Variants in KIAA1671 observed in about 807,000 individuals in gnomAD.
KIAA1671 encodes uncharacterized protein KIAA1671.
In KIAA1671, 52 loss-of-function variants were observed where a neutral mutation model predicts 131.2. That is an observed-to-expected ratio of 0.40 (90% CI 0.32 to 0.50). The LOEUF (loss-of-function observed/expected upper bound fraction) is 0.50, where lower values mean the gene tolerates loss of function less well. Ranked by LOEUF, KIAA1671 falls within the 20% of genes least tolerant of loss-of-function variation. The pLI is 0.73. For missense variants in KIAA1671, 2,360 were observed against 2,364.2 expected (o/e 1.00, Z 0.04); for synonymous variants, 1,003 against 961.6 (o/e 1.04, Z -0.80).
intron 1 of KIAA1671, among the ~76,000 whole-genome samples, chr22:24,991,505 A>G (rs1199756329): frequency 6.7e-6 from 1 of 149,308 alleles, no homozygotes; most frequent in Non-Finnish European, 1.5e-5. Context: ...CTTTGTCCCC[A>G]GGCTGGAGTG....
chr22:25,141,378 G>A (rs1357560691), intron 6 of KIAA1671, among the ~76,000 whole-genome samples: 5 of 149,806 alleles, frequency 3.3e-5, no homozygotes, highest in African/African-American at 7.4e-5. Flanking sequence ...GACTACAGGC[G>A]CCTGCCACCA....
chr22:25,029,008 C>T lies in KIAA1671; in HGVS notation c.1009C>T (p.Leu337Phe). 6.6e-7 allele frequency: 1 copy of T among 1,506,542 alleles called. No individual in the cohort carries two copies. The highest frequency in any genetic ancestry group is 1.3e-5 in the South Asian group (1 of 76,686). 93.3% of individuals were successfully genotyped at this position (1,506,542 alleles called of 1,614,324 possible). A position where few individuals can be genotyped will look rare whatever the true frequency, so the allele number is the denominator to read the frequency against. Reference protein sequence around the residue: ...RDCLVKAEAPLHDPDLDFLEV... With the variant: ...RDCLVKAEAPFHDPDLDFLEV... ...CTGTTTGGTCAAGGCGGAGGCTCCT[C>T]TTCATGATCCTGATTTGGACTTCCT... is the stretch of plus-strand genomic sequence containing the variant. Residue 337 changes from leucine (L) to phenylalanine (F), a missense_variant, in exon 3 of 13, where the codon CTT becomes TTT. Physicochemically the swap from Leu to Phe is conservative, Grantham distance 22 (BLOSUM62 0). Around this residue, in one of 3 missense-constraint regions of KIAA1671, gnomAD observed 1,185 missense variants for 1,126.2 expected, o/e 1.05. Coordinates refer to ENST00000358431, the MANE Select transcript of KIAA1671 (RefSeq NM_001145206.2).
At chr22:25,077,594 C>T (rs1929183710) in intron 6 of KIAA1671, among the ~76,000 whole-genome samples, 1 of 152,146 alleles carries the variant, frequency 6.6e-6, no homozygotes, top group Non-Finnish European at 1.5e-5. Flanking sequence ...GCCCGTGGGG[C>T]GTGACACCCC....
chr22:25,188,257 C>T (rs1313624848), intron 11 of KIAA1671, among the ~76,000 whole-genome samples: 2 of 152,088 alleles, frequency 1.3e-5, no homozygotes, highest in South Asian at 2.1e-4. Flanking sequence ...GCCGAGATGG[C>T]GCCACTGCAC....
chr22:25,114,207 A>G (rs1170420392), intron 6 of KIAA1671, among the ~76,000 whole-genome samples: 1 of 152,170 alleles, frequency 6.6e-6, no homozygotes, highest in African/African-American at 2.4e-5. Flanking sequence ...TAGCCACCCT[A>G]CTGGGTGGTA....
intron 8 of KIAA1671, chr22:25,177,046 A>C: frequency 2.9e-6 from 1 of 350,648 alleles, no homozygotes; most frequent in South Asian, 6.7e-5. Context: ...GGTGGATGTC[A>C]CTGGGAGGGA....
intron 6 of KIAA1671, among the ~76,000 whole-genome samples, chr22:25,122,185 C>T (rs533248224): frequency 2.0e-5 from 3 of 152,132 alleles, no homozygotes; most frequent in Non-Finnish European, 4.4e-5. Flanking sequence ...ACTCCAGAGG[C>T]GGGGCTCGGG....
intron 4 of KIAA1671, among the ~76,000 whole-genome samples, chr22:25,037,660 C>T (rs1926689552): frequency 6.6e-6 from 1 of 152,034 alleles, no homozygotes. Flanking sequence ...CTCCCATTCC[C>T]AGGCATCCAG....
rs969216497 is a variant in KIAA1671 at position 24,969,060 on chromosome 22, G to A, written c.-208+16288G>A. On this transcript the variant is annotated intron_variant, in intron 1 of 12. Transcript: ENST00000358431. ...GACTACAGGTGTGTGCCACCATGCC[G>A]GCTAATTTTTAAAATTTTTTTGCAG... Among the ~76,000 whole-genome samples, 42 of 151,814 alleles carry A rather than the reference G, an allele frequency of 2.8e-4. 1 individual carries two copies. Among genetic ancestry groups the A allele is most frequent in the African/African-American group, 9.7e-4 (40 of 41,314 alleles).
intron 6 of KIAA1671, chr22:25,102,981 C>G (rs998056778): frequency 2.0e-5 from 3 of 152,580 alleles, no homozygotes; most frequent in Non-Finnish European, 4.4e-5. Flanking sequence ...CACACGTAGT[C>G]CTGGGAATTT....
intron 6 of KIAA1671, among the ~76,000 whole-genome samples, chr22:25,066,871 A>G (rs1367848499): frequency 1.3e-5 from 2 of 152,166 alleles, no homozygotes; most frequent in Non-Finnish European, 2.9e-5. Flanking sequence ...AAGAGTGATG[A>G]GGAAGCAAGG....
intron 1 of KIAA1671, among the ~76,000 whole-genome samples, chr22:24,960,546 CA>C (rs56207857): frequency 0.29 from 23,297 of 79,986 alleles, 1,928 homozygotes; most frequent in East Asian, 0.62. Context: ...GACTCCGTCT[CA>C]AAAAAAAAAA....
chr22:24,964,669 C>T (rs553353082), intron 1 of KIAA1671, among the ~76,000 whole-genome samples: 8 of 152,224 alleles, frequency 5.3e-5, no homozygotes, highest in Admixed American at 2.6e-4. Context: ...GTGATTCTTC[C>T]GCCTCAGCCT....
At chr22:25,119,613 G>A (rs1471149879) in intron 6 of KIAA1671, among the ~76,000 whole-genome samples, 1 of 152,206 alleles carries the variant, frequency 6.6e-6, no homozygotes, top group Non-Finnish European at 1.5e-5. Context: ...TCAGATAATG[G>A]TGAGGGCTCT....
At chr22:25,184,502 T>C (rs1934404068) in intron 10 of KIAA1671, among the ~76,000 whole-genome samples, 1 of 152,152 alleles carries the variant, frequency 6.6e-6, no homozygotes, top group Non-Finnish European at 1.5e-5. Flanking sequence ...ATGCACACCA[T>C]TGTATTCCAT....
intron 9 of KIAA1671, among the ~76,000 whole-genome samples, chr22:25,180,628 C>CA (rs1316138405): frequency 1.3e-5 from 2 of 152,166 alleles, no homozygotes; most frequent in African/African-American, 4.8e-5. Context: ...TTTTAGTCCT[C>CA]AAAAACATCT....
intron 4 of KIAA1671, among the ~76,000 whole-genome samples, chr22:25,036,231 C>T (rs1329829482): frequency 6.6e-6 from 1 of 152,042 alleles, no homozygotes; most frequent in African/African-American, 2.4e-5. Flanking sequence ...CAGGCATGCG[C>T]CACCACACCT....
intron 6 of KIAA1671, among the ~76,000 whole-genome samples, chr22:25,070,798 G>A (rs1312828237): frequency 6.6e-6 from 1 of 152,146 alleles, no homozygotes; most frequent in Non-Finnish European, 1.5e-5. Flanking sequence ...CTCTGTGTGT[G>A]TAAGAATGTC....
chr22:25,025,605 C>CT (rs1164300773), intron 1 of KIAA1671, 28 bp from the exon 2 acceptor site: 4 of 152,248 alleles, frequency 2.6e-5, no homozygotes, highest in Non-Finnish European at 5.9e-5. Flanking sequence ...AACTCCGGAA[C>CT]TGAGGCTGTC....
Sources: allele counts gnomAD v4.1 joint callset (sites outside exome capture counted in the v4.1 genomes callset), GRCh38; gene constraint gnomAD v4.1.1; regional missense constraint gnomAD v4.1.1; transcripts MANE v1.5; gene names NCBI Gene and HGNC (gene_info 2026-07-23, HGNC 2026-07-21).